Variants in COL25A1 observed in about 807,000 individuals in gnomAD.
COL25A1 encodes the protein collagen alpha-1(XXV) chain.
COL25A1 carries 103 observed loss-of-function variants against 128.4 expected under a neutral mutation model. That is an observed-to-expected ratio of 0.80 (90% CI 0.68 to 0.94). The LOEUF is 0.94. Among genes scored for constraint, COL25A1 ranks in the 40% least tolerant of loss-of-function variants. The pLI, the probability that COL25A1 is intolerant of heterozygous loss-of-function variation, is 0.00. For synonymous variants in COL25A1, 279 were observed against 277.2 expected (o/e 1.01, Z -0.06); for missense variants, 745 against 840.0 (o/e 0.89, Z 1.40).
At chr4:109,159,616 T>C (rs1772368392) in intron 3 of COL25A1, among the ~76,000 whole-genome samples, 1 of 151,888 alleles carries the variant, frequency 6.6e-6, no homozygotes, top group Non-Finnish European at 1.5e-5. Flanking sequence ...CAATACAGAA[T>C]GAATAAAAGG....
chr4:109,262,895 C>T (rs1471074766), intron 3 of COL25A1, among the ~76,000 whole-genome samples: 4 of 152,052 alleles, frequency 2.6e-5, no homozygotes, highest in South Asian at 2.1e-4. Flanking sequence ...TTTGGGAGGC[C>T]GAGGTGGGTG....
chr4:109,106,623 T>C (rs3108930), intron 3 of COL25A1, among the ~76,000 whole-genome samples: 32,128 of 151,838 alleles, frequency 0.21, 4,006 homozygotes, highest in East Asian at 0.39. Context: ...AGCATTTGTG[T>C]GTATATCTTA....
intron 6 of COL25A1, among the ~76,000 whole-genome samples, chr4:108,980,967 T>C (rs1421230585): frequency 6.6e-6 from 1 of 152,170 alleles, no homozygotes; most frequent in Non-Finnish European, 1.5e-5. Flanking sequence ...ACAACTAGGA[T>C]AGAAGCTTCA....
At chr4:109,103,330 A>T (rs985682138) in intron 3 of COL25A1, among the ~76,000 whole-genome samples, 5 of 148,866 alleles carry the variant, frequency 3.4e-5, no homozygotes, top group Non-Finnish European at 7.4e-5. Flanking sequence ...CTCTAGACAA[A>T]TTCAGTGAGA....
rs572102807 is a variant in COL25A1, at chr4:109,003,954, C to T, written c.438+6404G>A. ...TACTTTATTCCCTTTCTTTTCCTCT[C>T]CAAGAGTTTTATTTCCCTTGATTCA... On this transcript the variant is annotated intron_variant, in intron 6 of 37. Coordinates refer to ENST00000399132, the MANE Select transcript of COL25A1 (RefSeq NM_198721.4). Among the ~76,000 whole-genome samples the T allele has an allele frequency of 2.0e-5, 3 of 152,206 alleles. No homozygotes were observed. In the South Asian group the frequency reaches 6.2e-4, roughly 32 times the overall value.
intron 3 of COL25A1, among the ~76,000 whole-genome samples, chr4:109,182,205 T>C (rs1553952668): frequency 6.6e-6 from 1 of 152,144 alleles, no homozygotes; most frequent in Non-Finnish European, 1.5e-5. Flanking sequence ...TTTCCTTTGG[T>C]GTACACTCAG....
chr4:108,941,821 G>C (rs1383003475), intron 8 of COL25A1, among the ~76,000 whole-genome samples: 1 of 152,200 alleles, frequency 6.6e-6, no homozygotes, highest in Non-Finnish European at 1.5e-5. Context: ...TTGTCAACCA[G>C]CATAATGTGG....
intron 3 of COL25A1, among the ~76,000 whole-genome samples, chr4:109,159,313 G>GT (rs1772333036): frequency 6.6e-6 from 1 of 151,986 alleles, no homozygotes; most frequent in Non-Finnish European, 1.5e-5. Context: ...GGGTAACTGG[G>GT]TTACGATCTA....
At chr4:109,229,398 C>T (rs1020122677) in intron 3 of COL25A1, among the ~76,000 whole-genome samples, 11 of 152,158 alleles carry the variant, frequency 7.2e-5, no homozygotes, top group Non-Finnish European at 1.3e-4. Context: ...CATAACCTTG[C>T]TTCATGTATG....
intron 3 of COL25A1, among the ~76,000 whole-genome samples, chr4:109,265,840 G>A (rs1781757203): frequency 6.6e-6 from 1 of 152,138 alleles, no homozygotes; most frequent in Non-Finnish European, 1.5e-5. Flanking sequence ...TGGAAAGAAT[G>A]TAACAAATTT....
chr4:109,279,095 T>C (rs954848710), intron 3 of COL25A1, among the ~76,000 whole-genome samples: 1 of 130,968 alleles, frequency 7.6e-6, no homozygotes, highest in East Asian at 2.2e-4. Flanking sequence ...GATTCATTTT[T>C]AACATATGAG....
intron 11 of COL25A1, among the ~76,000 whole-genome samples, chr4:108,934,926 A>T (rs992216721): frequency 6.6e-6 from 1 of 152,192 alleles, no homozygotes; most frequent in Non-Finnish European, 1.5e-5. Flanking sequence ...GCTCTTCATT[A>T]TATGTTTTAA....
At position 109,218,357 on chromosome 4, in the gene COL25A1, G is replaced by GTTTTTTTTTTGTTTGTTTTTT. The variant is rs1553961829; in HGVS notation, c.367+82225_367+82226insAAAAAACAAACAAAAAAAAAA. On this transcript the variant is annotated intron_variant, in intron 3 of 37. Coordinates refer to ENST00000399132, the MANE Select transcript of COL25A1 (RefSeq NM_198721.4). ...CAGAATCAATTGCTGGTTTTTTGGG[G>GTTTTTTTTTTGTTTGTTTTTT]TTTTTTTTTTTTTTTTTTTTTTTTT... Among the ~76,000 whole-genome samples the GTTTTTTTTTTGTTTGTTTTTT allele has an allele frequency of 2.8e-3, 206 of 73,426 alleles. 3 individuals carry two copies. Among genetic ancestry groups the GTTTTTTTTTTGTTTGTTTTTT allele is most frequent in the African/African-American group, 4.4e-3 (79 of 17,798 alleles). The allele number at this position is 73,426 out of a possible 152,430, so 48.2% of individuals were successfully genotyped here. A position where few individuals can be genotyped will look rare whatever the true frequency, so the allele number is the denominator to read the frequency against.
At chr4:108,909,971 C>T (rs778388820) in intron 13 of COL25A1, among the ~76,000 whole-genome samples, 9 of 152,164 alleles carry the variant, frequency 5.9e-5, no homozygotes, top group Non-Finnish European at 8.8e-5. Flanking sequence ...AGGGGCTTAG[C>T]GGTGCACGTG....
At chr4:109,060,701 C>CAAACAAA (rs377003238) in intron 3 of COL25A1, among the ~76,000 whole-genome samples, 8 of 147,288 alleles carry the variant, frequency 5.4e-5, no homozygotes, top group African/African-American at 2.1e-4. Flanking sequence ...AAAAAAAAAA[C>CAAACAAA]AAAAAAACAT....
chr4:108,901,031 G>A (rs148968920), intron 14 of COL25A1, 88 bp downstream of exon 14: 14,742 of 1,044,244 alleles, frequency 0.014, 171 homozygotes, highest in Non-Finnish European at 0.015. Context: ...CAACTGGTGA[G>A]ATTGTTAAAA....
intron 3 of COL25A1, among the ~76,000 whole-genome samples, chr4:109,217,115 C>G (rs1472377083): frequency 6.6e-6 from 1 of 151,906 alleles, no homozygotes; most frequent in Non-Finnish European, 1.5e-5. Flanking sequence ...TTTGGGATGC[C>G]TAACAACTTA....
intron 3 of COL25A1, among the ~76,000 whole-genome samples, chr4:109,162,463 T>A (rs1772669809): frequency 6.6e-6 from 1 of 152,220 alleles, no homozygotes; most frequent in Admixed American, 6.5e-5. Context: ...CACCTGCAAC[T>A]ACTGTCCATC....
At chr4:108,940,761 C>A in intron 9 of COL25A1, 115 bp from the exon 10 acceptor site, 1 of 657,528 alleles carries the variant, frequency 1.5e-6, no homozygotes, top group South Asian at 2.2e-5. Flanking sequence ...TGAAAAGAAC[C>A]AGAACAACCA....
Sources: gnomAD v4.1 joint callset for allele counts (sites outside exome capture counted in the v4.1 genomes callset) on GRCh38, gnomAD v4.1.1 for gene constraint, MANE v1.5 for transcripts, NCBI Gene and HGNC (gene_info 2026-07-23, HGNC 2026-07-21) for gene names.